TSPEAR: variants seen among roughly 807,000 people sequenced by gnomAD.
TSPEAR encodes the protein thrombospondin-type laminin G domain and EAR repeat-containing protein.
Under a neutral mutation model 71.6 loss-of-function variants are expected in TSPEAR, and 69 were observed. The ratio of observed to expected loss-of-function variants is 0.96; its 90% CI spans 0.79 to 1.18. The LOEUF (loss-of-function observed/expected upper bound fraction) is 1.18. Among genes scored for constraint, TSPEAR ranks in the 50% most tolerant of loss-of-function variants. The pLI is 0.00. For synonymous variants in TSPEAR, 402 were observed against 387.2 expected, an observed-to-expected ratio of 1.04 and a Z score of -0.45; for missense variants, 971 against 894.9, an observed-to-expected ratio of 1.09 and a Z score of -1.09.
chr21:44,624,260 T>C (rs1300927337), intron 1 of TSPEAR, among the ~76,000 whole-genome samples: 2 of 152,380 alleles, frequency 1.3e-5, no homozygotes, highest in East Asian at 3.9e-4. Flanking sequence ...TTCCATTTCA[T>C]AAATCTAGTT....
At chr21:44,668,281 T>C (rs1555945274) in intron 1 of TSPEAR, among the ~76,000 whole-genome samples, 1 of 152,172 alleles carries the variant, frequency 6.6e-6, no homozygotes, top group African/African-American at 2.4e-5. Flanking sequence ...AAAAGGAAAG[T>C]ACAATAACAA....
intron 5 of TSPEAR, 25 bp downstream of exon 5, chr21:44,529,773 G>C (rs886459536): frequency 6.2e-7 from 1 of 1,612,780 alleles, no homozygotes; most frequent in Admixed American, 1.7e-5. Flanking sequence ...CCTTTGGTGT[G>C]GGGGCGGGTG....
intron 1 of TSPEAR, among the ~76,000 whole-genome samples, chr21:44,598,231 C>A (rs1980501003): frequency 6.6e-6 from 1 of 152,250 alleles, no homozygotes; most frequent in Non-Finnish European, 1.5e-5. Flanking sequence ...CCTCTCCCGT[C>A]TCTCCCATTA....
chr21:44,553,401 A>G (rs1273418461), intron 2 of TSPEAR, among the ~76,000 whole-genome samples: 2 of 152,236 alleles, frequency 1.3e-5, no homozygotes, highest in African/African-American at 4.8e-5. Context: ...ATTTAATACC[A>G]AACAGCTGGA....
chr21:44,627,427 C>T (rs1555934636), intron 1 of TSPEAR: 6 of 1,613,696 alleles, frequency 3.7e-6, no homozygotes, highest in Non-Finnish European at 2.5e-6. Flanking sequence ...GTCTAGCTGC[C>T]AGCCGGCTTA....
intron 1 of TSPEAR, chr21:44,657,941 C>T (rs934684327): frequency 4.4e-6 from 7 of 1,592,290 alleles, no homozygotes; most frequent in Non-Finnish European, 6.0e-6. Context: ...CCAGACATCA[C>T]CATCCTCCTC....
Position 44,618,716 on chromosome 21 carries a change from G to T in TSPEAR, c.83-50711C>A, listed in dbSNP as rs62220919. Among the ~76,000 whole-genome samples the T allele has an allele frequency of 8.0e-3, 1,224 of 152,290 alleles. 9 individuals carry two copies. Among genetic ancestry groups the T allele is most frequent in the Non-Finnish European group, 0.013 (890 of 68,024 alleles). ...TGCAGTTGCCTGTTTCGACCGTCTG[G>T]TGGCTCCCTGAAGGACTAACACACA... On this transcript the variant is annotated intron_variant, in intron 1 of 11. Coordinates refer to ENST00000323084, the MANE Select transcript of TSPEAR (RefSeq NM_144991.3).
intron 1 of TSPEAR, among the ~76,000 whole-genome samples, chr21:44,616,776 C>T (rs1982126660): frequency 6.6e-6 from 1 of 152,254 alleles, no homozygotes; most frequent in African/African-American, 2.4e-5. Flanking sequence ...GCGGTGTGAC[C>T]ACACCAAGCA....
intron 9 of TSPEAR, chr21:44,519,638 T>C (rs1235142107): frequency 1.3e-5 from 2 of 152,454 alleles, no homozygotes; most frequent in Non-Finnish European, 2.9e-5. Flanking sequence ...AGCATGCGTG[T>C]TGTGGTGAGA....
At chr21:44,633,755 C>A (rs1983385421) in intron 1 of TSPEAR, among the ~76,000 whole-genome samples, 1 of 151,914 alleles carries the variant, frequency 6.6e-6, no homozygotes, top group Non-Finnish European at 1.5e-5. Flanking sequence ...TCTTCAAGTT[C>A]TCTATTTCGT....
chr21:44,644,071 C>G (rs1407844834), intron 1 of TSPEAR, among the ~76,000 whole-genome samples: 1 of 152,262 alleles, frequency 6.6e-6, no homozygotes, highest in Non-Finnish European at 1.5e-5. Flanking sequence ...CGGCACCTCC[C>G]TCTCCCAGCC....
intron 2 of TSPEAR, among the ~76,000 whole-genome samples, chr21:44,538,740 A>G (rs1389177306): frequency 2.6e-5 from 4 of 152,150 alleles, no homozygotes; most frequent in Non-Finnish European, 5.9e-5. Context: ...GGAGAGCCCC[A>G]CAGCCCAGGG....
intron 1 of TSPEAR, chr21:44,592,620 G>C: frequency 7.4e-7 from 1 of 1,351,100 alleles, no homozygotes; most frequent in East Asian, 2.5e-5. Flanking sequence ...GGAGTCTGCC[G>C]GGATTAGGGG....
intron 1 of TSPEAR, among the ~76,000 whole-genome samples, chr21:44,680,831 G>C (rs1986548666): frequency 6.6e-6 from 1 of 152,264 alleles, no homozygotes; most frequent in East Asian, 1.9e-4. Flanking sequence ...TGGAAGTAGA[G>C]AGTAGAATGA....
chr21:44,576,919 G>A (rs1555924063), intron 1 of TSPEAR, among the ~76,000 whole-genome samples: 1 of 152,164 alleles, frequency 6.6e-6, no homozygotes, highest in African/African-American at 2.4e-5. Context: ...GTCCTCAGGA[G>A]GGATGAAATC....
intron 1 of TSPEAR, among the ~76,000 whole-genome samples, chr21:44,661,281 C>CAAAA (rs10572767): frequency 1.3e-4 from 10 of 79,690 alleles, no homozygotes; most frequent in South Asian, 9.7e-4. Context: ...GACTCCGTCT[C>CAAAA]AAAAAAAAAA....
intron 2 of TSPEAR, chr21:44,557,910 A>G (rs1246560317): frequency 1.0e-6 from 1 of 994,938 alleles, no homozygotes; most frequent in Non-Finnish European, 1.5e-6. Context: ...CCTGGAGGGA[A>G]TCGGCATGAA....
At chr21:44,514,984 G>C (rs2052514742) in intron 9 of TSPEAR, among the ~76,000 whole-genome samples, 1 of 152,126 alleles carries the variant, frequency 6.6e-6, no homozygotes, top group African/African-American at 2.4e-5. Flanking sequence ...GTTTCTGGGA[G>C]AAAGTGAGGT....
At chr21:44,537,966 G>T (rs2053118172) in intron 2 of TSPEAR, among the ~76,000 whole-genome samples, 1 of 152,214 alleles carries the variant, frequency 6.6e-6, no homozygotes, top group South Asian at 2.1e-4. Context: ...GTCACGCGGG[G>T]TCCCCCAGCC....
Sources: gnomAD v4.1 joint callset for allele counts (sites outside exome capture counted in the v4.1 genomes callset) on GRCh38, gnomAD v4.1.1 for gene constraint, MANE v1.5 for transcripts, NCBI Gene and HGNC (gene_info 2026-07-23, HGNC 2026-07-21) for gene names.